HYDIN: variants seen among roughly 807,000 people sequenced by gnomAD.
HYDIN encodes HYDIN axonemal central pair apparatus protein.
A neutral mutation model predicts 403.9 loss-of-function variants in HYDIN; 132 were observed. The observed-to-expected ratio is 0.33, with a 90% CI of 0.28 to 0.38. The LOEUF is 0.38. Ranked by LOEUF, HYDIN falls within the 10% of genes least tolerant of loss-of-function variation. The pLI is 1.00. For synonymous variants in HYDIN, 1,202 were observed against 1,891.7 expected, an observed-to-expected ratio of 0.64 and a Z score of 9.46; for missense variants, 2,827 against 5,009.5, an observed-to-expected ratio of 0.56 and a Z score of 13.15.
At chr16:71,192,900 G>T (rs1247849664) in intron 1 of HYDIN, among the ~76,000 whole-genome samples, 2 of 152,020 alleles carry the variant, frequency 1.3e-5, no homozygotes, top group Non-Finnish European at 2.9e-5. Flanking sequence ...CTCCAAATAT[G>T]CCAGCCTATT....
In HYDIN at chr16:70,920,587, A is replaced by C. The variant is rs1017373925; in HGVS notation, c.7785+4T>G. On this transcript the variant is annotated splice_donor_region_variant and intron_variant, in intron 46 of 85. Coordinates refer to ENST00000393567, the MANE Select transcript of HYDIN (RefSeq NM_001270974.2). The stretch of plus-strand genomic sequence containing the variant: ...ACTTCCCCACCCTGGAGGAGAGTCC[A>C]TACCTGCTCTCCTTTGGGAAGCTTG... 1 of 1,605,622 alleles carries C rather than the reference A, an allele frequency of 6.2e-7. No individual in the cohort carries two copies. The highest frequency in any genetic ancestry group is 8.5e-7 in the Non-Finnish European group (1 of 1,174,282).
intron 10 of HYDIN, among the ~76,000 whole-genome samples, chr16:71,114,659 T>C (rs6499468): frequency 2.9e-5 from 4 of 138,198 alleles, no homozygotes; most frequent in South Asian, 4.8e-4. Context: ...TGTATATTTA[T>C]TTTTATATCT....
At chr16:70,945,720 GA>G (rs1376831954) in intron 41 of HYDIN, among the ~76,000 whole-genome samples, 1 of 152,188 alleles carries the variant, frequency 6.6e-6, no homozygotes, top group Non-Finnish European at 1.5e-5. Context: ...GCCACACGAA[GA>G]AAGCGTTTCC....
At chr16:71,156,120 G>A (rs1350433714) in intron 6 of HYDIN, among the ~76,000 whole-genome samples, 1 of 150,624 alleles carries the variant, frequency 6.6e-6, no homozygotes, top group East Asian at 1.9e-4. Context: ...AAATGAATTG[G>A]ATATTATTAT....
At chr16:71,002,785 C>A (rs910091797) in intron 23 of HYDIN, among the ~76,000 whole-genome samples, 2 of 150,258 alleles carry the variant, frequency 1.3e-5, no homozygotes, top group Non-Finnish European at 3.0e-5. Flanking sequence ...TCAAGCAATT[C>A]TCCTGCCTCA....
intron 45 of HYDIN, among the ~76,000 whole-genome samples, chr16:70,924,901 C>T (rs539051059): frequency 7.4e-6 from 1 of 134,784 alleles, no homozygotes; most frequent in Non-Finnish European, 1.6e-5. Flanking sequence ...CAAACCATGG[C>T]GGCACACGTT....
At chr16:71,046,936 T>C (rs968616433) in intron 18 of HYDIN, among the ~76,000 whole-genome samples, 1 of 152,024 alleles carries the variant, frequency 6.6e-6, no homozygotes, top group Non-Finnish European at 1.5e-5. Context: ...GAGTTGATGA[T>C]GATGCTGGTA....
chr16:71,003,726 G>T (rs2079798225), intron 23 of HYDIN, among the ~76,000 whole-genome samples: 1 of 151,866 alleles, frequency 6.6e-6, no homozygotes, highest in Admixed American at 6.5e-5. Context: ...TAGAACCCAG[G>T]AGGCGGAGGC....
At chr16:70,813,460 A>G (rs1045586678) in intron 84 of HYDIN, among the ~76,000 whole-genome samples, 1 of 151,960 alleles carries the variant, frequency 6.6e-6, no homozygotes, top group Non-Finnish European at 1.5e-5. Flanking sequence ...ATGCTTCGAG[A>G]TGACTAGCGT....
At chr16:70,962,994 G>C (rs1224590906) in intron 37 of HYDIN, among the ~76,000 whole-genome samples, 1 of 151,940 alleles carries the variant, frequency 6.6e-6, no homozygotes, top group Middle Eastern at 3.2e-3. Context: ...CCTTCCATTG[G>C]GCCAGATGGG....
intron 58 of HYDIN, among the ~76,000 whole-genome samples, chr16:70,884,608 G>C (rs1187617254): frequency 7.2e-5 from 11 of 151,780 alleles, no homozygotes; most frequent in Admixed American, 1.3e-4. Flanking sequence ...CCCGACCCCA[G>C]AGATTGCTGG....
intron 30 of HYDIN, among the ~76,000 whole-genome samples, chr16:70,977,536 G>A (rs113372492): frequency 7.4e-3 from 1,112 of 150,730 alleles, no homozygotes; most frequent in African/African-American, 0.023. Context: ...TCTCCCCCAT[G>A]ACACCTTTCT....
At chr16:71,218,196 T>C (rs1174713888) in intron 1 of HYDIN, among the ~76,000 whole-genome samples, 1 of 152,220 alleles carries the variant, frequency 6.6e-6, no homozygotes, top group Non-Finnish European at 1.5e-5. Flanking sequence ...CAGTGGTTGT[T>C]AGCGACTGTT....
rs2087188482 is a variant in HYDIN at position 71,187,030 on chromosome 16, C to A, written c.-23-112G>T. The A allele has an allele frequency of 6.4e-6, 4 of 628,138 alleles. No homozygotes were observed. In the Admixed American group the frequency reaches 1.2e-4, roughly 19 times the overall value. 38.9% of individuals were successfully genotyped at this position (628,138 alleles called of 1,614,324 possible). ...GGAAGGTTTAGAAAATACTGATCTT[C>A]CGAAATCCAAATGCTTGGAACAAAT... On this transcript the variant is annotated intron_variant, in intron 1 of 85. Transcript: ENST00000393567.
intron 27 of HYDIN, among the ~76,000 whole-genome samples, chr16:70,986,322 G>A (rs1414121710): frequency 6.6e-6 from 1 of 150,988 alleles, no homozygotes; most frequent in East Asian, 2.0e-4. Flanking sequence ...ACCACAAACA[G>A]GCCACTTTGG....
At chr16:71,116,174 C>G (rs549665307) in intron 9 of HYDIN, among the ~76,000 whole-genome samples, 25 of 151,916 alleles carry the variant, frequency 1.6e-4, no homozygotes, top group Admixed American at 1.1e-3. Flanking sequence ...CCCAATCCCA[C>G]CCTCTGATGC....
At chr16:71,170,324 G>C (rs1459718986) in intron 5 of HYDIN, among the ~76,000 whole-genome samples, 2 of 152,162 alleles carry the variant, frequency 1.3e-5, no homozygotes, top group East Asian at 3.8e-4. Flanking sequence ...GTGATGTAGG[G>C]AATGATCTTT....
At chr16:71,211,029 C>G (rs534397007) in intron 1 of HYDIN, among the ~76,000 whole-genome samples, 2 of 151,924 alleles carry the variant, frequency 1.3e-5, no homozygotes, top group Non-Finnish European at 2.9e-5. Context: ...CACACACACA[C>G]AGAGAGATAG....
intron 1 of HYDIN, among the ~76,000 whole-genome samples, chr16:71,207,914 T>C (rs1426919576): frequency 1.3e-5 from 2 of 152,166 alleles, no homozygotes; most frequent in Non-Finnish European, 2.9e-5. Context: ...TGCACCCAGA[T>C]TCATAAAGCA....
Sources: gnomAD v4.1 joint callset for allele counts (sites outside exome capture counted in the v4.1 genomes callset) on GRCh38, gnomAD v4.1.1 for gene constraint, MANE v1.5 for transcripts, NCBI Gene and HGNC (gene_info 2026-07-23, HGNC 2026-07-21) for gene names.